The following VPS45 variants were observed in gnomAD, a reference collection of about 807,000 sequenced individuals.
The protein encoded by VPS45 is vacuolar protein sorting 45 homolog.
In VPS45, 35 loss-of-function variants were observed where a neutral mutation model predicts 75.9. The ratio of observed to expected loss-of-function variants is 0.46; its 90% CI spans 0.35 to 0.61. The LOEUF is 0.61. Among genes scored for constraint, VPS45 ranks in the 20% least tolerant of loss-of-function variants. VPS45 has a pLI of 0.00. For missense variants in VPS45, 559 were observed against 685.9 expected (o/e 0.81, Z 2.07); for synonymous variants, 220 against 238.2 (o/e 0.92, Z 0.70).
Position 150,069,807 on chromosome 1 carries a change from C to G in VPS45, c.228+1043C>G, listed in dbSNP as rs587741819. Among the ~76,000 whole-genome samples, 33 of 152,280 alleles carry G rather than the reference C, an allele frequency of 2.2e-4. No homozygotes were observed. In the South Asian group the frequency reaches 6.4e-3, roughly 30 times the overall value. On this transcript the variant is annotated intron_variant, in intron 2 of 14. Transcript: ENST00000644510. ...GTTCTTCAACTCTAATGCATTTTATCATGCTTGTGCATATGAACTTTCCAA... is the reference window on the plus strand; with the variant it reads ...GTTCTTCAACTCTAATGCATTTTATGATGCTTGTGCATATGAACTTTCCAA...
intron 3 of VPS45, among the ~76,000 whole-genome samples, chr1:150,074,009 TG>T (rs1559901410): frequency 0.015 from 21 of 1,386 alleles, 2 homozygotes; most frequent in South Asian, 0.088. Flanking sequence ...GTGTGTGTGT[TG>T]TTTTTGTTTT....
chr1:150,081,176 G>C (rs1398315668), intron 7 of VPS45, among the ~76,000 whole-genome samples, 166 bp from the exon 8 acceptor site: 3 of 152,156 alleles, frequency 2.0e-5, no homozygotes, highest in African/African-American at 2.4e-5. Flanking sequence ...CAATTAAAAT[G>C]ACAGTCTTAA....
At chr1:150,072,376 T>C in intron 3 of VPS45, 150 bp downstream of exon 3, 1 of 589,464 alleles carries the variant, frequency 1.7e-6, no homozygotes. Flanking sequence ...AAAAATCTTT[T>C]GACCTGCCGG....
intron 14 of VPS45, among the ~76,000 whole-genome samples, chr1:150,136,103 G>T (rs1659078248): frequency 6.7e-6 from 1 of 150,246 alleles, no homozygotes; most frequent in Non-Finnish European, 1.5e-5. Context: ...ACAAAAATTA[G>T]CCAGGCATGG....
chr1:150,102,194 C>T (rs13374098), intron 13 of VPS45, among the ~76,000 whole-genome samples: 2 of 147,914 alleles, frequency 1.4e-5, no homozygotes, highest in East Asian at 2.0e-4. Flanking sequence ...GCCGAGATTG[C>T]TCCACTGCAC....
chr1:150,072,132 C>T (rs1655109163), intron 2 of VPS45, 34 bp from the exon 3 acceptor site: 1 of 1,582,702 alleles, frequency 6.3e-7, no homozygotes, highest in Non-Finnish European at 8.6e-7. Flanking sequence ...AGCAACTCTC[C>T]TCATATTTTG....
rs1462669731 is a variant in VPS45 at position 150,110,523 on chromosome 1, T to A, written c.1521T>A (p.Ile507=). 34 of 1,613,544 alleles carry A rather than the reference T, an allele frequency of 2.1e-5. No individual in the cohort carries two copies. Among genetic ancestry groups the A allele is most frequent in the Non-Finnish European group, 2.9e-5 (34 of 1,179,732 alleles). The change falls in exon 14 of 15, where the codon ATT becomes ATA. Residue 507 remains isoleucine, a synonymous_variant. Transcript: ENST00000644510. The stretch of plus-strand genomic sequence containing the variant: ...CTCAGGATATCATTGTGTTTGTAAT[T>A]GGAGGAGCCACCTATGAAGAGGCTC... The part of the protein sequence containing the change: ...DRPQDIIVFV[I]GGATYEEALT...
intron 14 of VPS45, 132 bp from the exon 15 acceptor site, chr1:150,144,577 C>A: frequency 1.3e-6 from 1 of 749,068 alleles, no homozygotes; most frequent in Non-Finnish European, 2.1e-6. Flanking sequence ...ATTCTATACC[C>A]AAATATCAGA....
At chr1:150,087,770 A>T (rs1014607427) in intron 10 of VPS45, among the ~76,000 whole-genome samples, 1 of 152,188 alleles carries the variant, frequency 6.6e-6, no homozygotes, top group Non-Finnish European at 1.5e-5. Context: ...TAGCTAGAAC[A>T]TGGACCTGAG....
intron 14 of VPS45, among the ~76,000 whole-genome samples, chr1:150,130,198 C>T (rs28392496): frequency 4.6e-5 from 4 of 86,338 alleles, no homozygotes; most frequent in African/African-American, 1.0e-4. Flanking sequence ...CACACACACA[C>T]TTTTTTTTTT....
chr1:150,115,205 A>G (rs1371559382), intron 14 of VPS45, among the ~76,000 whole-genome samples: 1 of 151,988 alleles, frequency 6.6e-6, no homozygotes, highest in Non-Finnish European at 1.5e-5. Context: ...CAGGTCTCTT[A>G]ATCTCTCATT....
chr1:150,076,689 C>T, intron 4 of VPS45: 2 of 592,278 alleles, frequency 3.4e-6, no homozygotes, highest in Non-Finnish European at 5.9e-6. Context: ...TGTGTATAAC[C>T]TTACAACCTT....
intron 13 of VPS45, among the ~76,000 whole-genome samples, chr1:150,107,122 T>A (rs1381764300): frequency 6.6e-6 from 1 of 152,152 alleles, no homozygotes; most frequent in African/African-American, 2.4e-5. Flanking sequence ...CAGCAAAAAA[T>A]CTGTCTTTTG....
intron 13 of VPS45, among the ~76,000 whole-genome samples, chr1:150,100,510 C>A (rs1014339339): frequency 6.6e-6 from 1 of 151,922 alleles, no homozygotes; most frequent in African/African-American, 2.4e-5. Flanking sequence ...ACCAAAAAAA[C>A]GCCAAAATAG....
At chr1:150,082,065 T>C in intron 9 of VPS45, 68 bp downstream of exon 9, 1 of 1,008,732 alleles carries the variant, frequency 9.9e-7, no homozygotes, top group Non-Finnish European at 1.5e-6. Context: ...AGCAACACTT[T>C]TGGAATCTTC....
chr1:150,086,041 A>G lies in VPS45; in HGVS notation c.1104+3158A>G, dbSNP rs587640698. ...AGTTTTTCATTTGGAGAGAGGAACC[A>G]GTCTATTTTGTATTTTTTCCTGACC... On this transcript the variant is annotated intron_variant, in intron 10 of 14. Coordinates refer to ENST00000644510, the MANE Select transcript of VPS45 (RefSeq NM_007259.5). Among the ~76,000 whole-genome samples the G allele has an allele frequency of 2.6e-5, 4 of 152,194 alleles. No individual in the cohort carries two copies. In the South Asian group the frequency reaches 8.3e-4, roughly 32 times the overall value.
rs192105831 is a variant in VPS45, at chr1:150,072,472, A to G, written c.289+246A>G. On this transcript the variant is annotated intron_variant, in intron 3 of 14. Transcript: ENST00000644510. Reference sequence around the variant, plus strand: ...GAGGAGTTTGAGACCAGCCTGACCAACATGGTGAAACCCCATCTCTACTAA... The same window carrying G: ...GAGGAGTTTGAGACCAGCCTGACCAGCATGGTGAAACCCCATCTCTACTAA... Among the ~76,000 whole-genome samples, 116 of 152,282 alleles carry G rather than the reference A, an allele frequency of 7.6e-4. 3 individuals carry two copies. The East Asian group carries it at 0.022, about 29-fold the overall frequency.
At position 150,132,760 on chromosome 1, in the gene VPS45, A is replaced by T. The variant is rs139916461; in HGVS notation, c.1626-11949A>T. Among the ~76,000 whole-genome samples, 417 of 152,342 alleles carry T rather than the reference A, an allele frequency of 2.7e-3. 1 individual carries two copies. The highest frequency in any genetic ancestry group is 9.5e-3 in the African/African-American group (394 of 41,588). On this transcript the variant is annotated intron_variant, in intron 14 of 14. Coordinates refer to ENST00000644510, the MANE Select transcript of VPS45 (RefSeq NM_007259.5). ...ACCTTGTTTAAATTCCAGTTTTGCCACATATTCACTTGTATGATCTGAGAC... is the reference window on the plus strand; with the variant it reads ...ACCTTGTTTAAATTCCAGTTTTGCCTCATATTCACTTGTATGATCTGAGAC...
At chr1:150,125,980 CT>C (rs1296702342) in intron 14 of VPS45, among the ~76,000 whole-genome samples, 2 of 152,014 alleles carry the variant, frequency 1.3e-5, no homozygotes, top group East Asian at 3.9e-4. Flanking sequence ...GCCACTGCCC[CT>C]GGCCAAGCTT....
Sources: gnomAD v4.1 joint callset for allele counts (sites outside exome capture counted in the v4.1 genomes callset) on GRCh38, gnomAD v4.1.1 for gene constraint, MANE v1.5 for transcripts, NCBI Gene and HGNC (gene_info 2026-07-23, HGNC 2026-07-21) for gene names.